Variants in CDH13 observed in about 807,000 individuals in gnomAD.
The protein encoded by CDH13 is cadherin 13.
CDH13 carries 24 observed loss-of-function variants against 63.8 expected under a neutral mutation model. The observed-to-expected ratio is 0.38, with a 90% confidence interval of 0.27 to 0.53. The LOEUF (loss-of-function observed/expected upper bound fraction) is 0.53. Among genes scored for constraint, CDH13 ranks in the 20% least tolerant of loss-of-function variants. The probability of loss-of-function intolerance (pLI) is 0.85; values close to 1 mark genes in which losing one functional copy is unlikely to be tolerated. For synonymous variants in CDH13, 503 were observed against 355.3 expected (o/e 1.42, Z -4.67); for missense variants, 1,049 against 903.1 (o/e 1.16, Z -2.07).
At chr16:83,456,435 G>A (rs184275339) in intron 6 of CDH13, among the ~76,000 whole-genome samples, 2 of 152,322 alleles carry the variant, frequency 1.3e-5, no homozygotes, top group East Asian at 3.9e-4. Context: ...TGAGGGGTCA[G>A]TTGCAGTACA....
chr16:83,495,513 T>G (rs933037113), intron 7 of CDH13, among the ~76,000 whole-genome samples: 1 of 152,186 alleles, frequency 6.6e-6, no homozygotes, highest in African/African-American at 2.4e-5. Context: ...GACTCTTAGT[T>G]AATTCTCTCT....
chr16:83,664,527 A>G (rs1913751845), intron 8 of CDH13, among the ~76,000 whole-genome samples: 2 of 148,142 alleles, frequency 1.4e-5, no homozygotes, highest in Admixed American at 6.9e-5. Flanking sequence ...TTTTATTTTT[A>G]TATTATATTT....
At chr16:83,586,150 G>GAACTGGC (rs1906133101) in intron 7 of CDH13, among the ~76,000 whole-genome samples, 1 of 149,146 alleles carries the variant, frequency 6.7e-6, no homozygotes, top group African/African-American at 2.4e-5. Context: ...GAGCCCGGAT[G>GAACTGGC]AACTGGCAAG....
At chr16:82,710,239 A>G (rs7193507) in intron 1 of CDH13, among the ~76,000 whole-genome samples, 8,852 of 146,434 alleles carry the variant, frequency 0.06, 408 homozygotes, top group African/African-American at 0.13. Flanking sequence ...AAATTTATAT[A>G]TAAATATATT....
At chr16:83,219,053 T>C (rs1597540062) in intron 5 of CDH13, among the ~76,000 whole-genome samples, 1 of 152,144 alleles carries the variant, frequency 6.6e-6, no homozygotes, top group South Asian at 2.1e-4. Context: ...GTCCCGGGTA[T>C]GTCTTCATTA....
chr16:82,676,828 A>G (rs1278929823), intron 1 of CDH13, among the ~76,000 whole-genome samples: 1 of 152,018 alleles, frequency 6.6e-6, no homozygotes, highest in African/African-American at 2.4e-5. Context: ...TGAGACTATC[A>G]TGCACAAAGG....
At chr16:83,123,136 G>A (rs952588070) in intron 3 of CDH13, among the ~76,000 whole-genome samples, 7 of 151,814 alleles carry the variant, frequency 4.6e-5, no homozygotes, top group Non-Finnish European at 7.4e-5. Context: ...GTATTTTATG[G>A]CATGTGCGTG....
chr16:83,267,648 C>T (rs1324682507), intron 5 of CDH13, among the ~76,000 whole-genome samples: 1 of 152,164 alleles, frequency 6.6e-6, no homozygotes, highest in Non-Finnish European at 1.5e-5. Flanking sequence ...CGGCCCCCTT[C>T]CCCTTGCAAG....
chr16:82,733,469 G>T (rs981793670), intron 1 of CDH13, among the ~76,000 whole-genome samples: 2 of 152,172 alleles, frequency 1.3e-5, no homozygotes, highest in African/African-American at 4.8e-5. Flanking sequence ...TCTCTGGGAA[G>T]AATACTAACC....
At chr16:82,759,876 C>G (rs1345966093) in intron 1 of CDH13, among the ~76,000 whole-genome samples, 1 of 152,110 alleles carries the variant, frequency 6.6e-6, no homozygotes, top group African/African-American at 2.4e-5. Context: ...TTCACCCTTT[C>G]CTTATAACCC....
At chr16:82,931,495 G>A (rs2042489937) in intron 2 of CDH13, among the ~76,000 whole-genome samples, 2 of 147,886 alleles carry the variant, frequency 1.4e-5, no homozygotes, top group Admixed American at 6.8e-5. Context: ...AGCTAGAATT[G>A]GACCTTGAGG....
intron 3 of CDH13, among the ~76,000 whole-genome samples, chr16:83,079,054 G>A (rs543906329): frequency 6.6e-5 from 10 of 152,210 alleles, no homozygotes; most frequent in South Asian, 4.1e-4. Context: ...CTCAGCCTAC[G>A]AAAGTGCTGG....
At chr16:82,698,712 A>G (rs2030632819) in intron 1 of CDH13, among the ~76,000 whole-genome samples, 1 of 152,212 alleles carries the variant, frequency 6.6e-6, no homozygotes, top group African/African-American at 2.4e-5. Flanking sequence ...AGGGCACTGA[A>G]TAGCTCCATG....
At chr16:82,998,464 T>C (rs1912493808) in intron 2 of CDH13, among the ~76,000 whole-genome samples, 1 of 152,204 alleles carries the variant, frequency 6.6e-6, no homozygotes, top group African/African-American at 2.4e-5. Context: ...CTGGACAGCC[T>C]GTCCTCTTGG....
intron 7 of CDH13, among the ~76,000 whole-genome samples, chr16:83,602,107 CAAA>C (rs869202510): frequency 5.0e-4 from 4 of 7,954 alleles, no homozygotes; most frequent in African/African-American, 8.0e-4. Flanking sequence ...AGAACAACAA[CAAA>C]AAAAAAAAAA....
intron 1 of CDH13, among the ~76,000 whole-genome samples, chr16:82,846,746 A>T (rs1052179822): frequency 1.3e-5 from 2 of 152,190 alleles, no homozygotes; most frequent in Non-Finnish European, 2.9e-5. Context: ...TTCCATCTCT[A>T]GTATCTAGGC....
intron 9 of CDH13, 108 bp downstream of exon 9, chr16:83,671,080 T>C: frequency 1.1e-6 from 1 of 924,394 alleles, no homozygotes; most frequent in Non-Finnish European, 1.6e-6. Flanking sequence ...ATTCCCCCAG[T>C]CTCCTCCTTC....
rs1461893192 is a variant in CDH13, at chr16:83,612,009, T to A, written c.1101+9415T>A. On this transcript the variant is annotated intron_variant, in intron 8 of 13. Coordinates refer to ENST00000567109, the MANE Select transcript of CDH13 (RefSeq NM_001257.5). ...ATTCTGTAGTTGTTTAGTATCGTGA[T>A]CTATATACATCAGTTAGGCCAAGGT... Among the ~76,000 whole-genome samples, 5 of 152,176 alleles carry A rather than the reference T, an allele frequency of 3.3e-5. No individual in the cohort carries two copies. In the East Asian group the frequency reaches 5.8e-4, roughly 18 times the overall value.
At chr16:83,616,444 G>C (rs1357290193) in intron 8 of CDH13, among the ~76,000 whole-genome samples, 1 of 151,876 alleles carries the variant, frequency 6.6e-6, no homozygotes, top group Non-Finnish European at 1.5e-5. Context: ...ATGCTCAAGG[G>C]TCAGTGGCAA....
Sources: allele counts gnomAD v4.1 joint callset (sites outside exome capture counted in the v4.1 genomes callset), GRCh38; gene constraint gnomAD v4.1.1; transcripts MANE v1.5; gene names NCBI Gene and HGNC (gene_info 2026-07-23, HGNC 2026-07-21).